The following LASP1 variants were observed in gnomAD, a reference collection of about 807,000 sequenced individuals.
LASP1 encodes LIM and SH3 domain protein 1.
LASP1 carries 10 observed loss-of-function variants against 38.6 expected under a neutral mutation model. The observed-to-expected ratio is 0.26, with a 90% CI of 0.16 to 0.44. The LOEUF (loss-of-function observed/expected upper bound fraction) is 0.44, where lower values mean the gene tolerates loss of function less well. Ranked by LOEUF, LASP1 falls within the 20% of genes least tolerant of loss-of-function variation. The pLI, the probability that LASP1 is intolerant of heterozygous loss-of-function variation, is 1.00. For synonymous variants in LASP1, 132 were observed against 140.8 expected (o/e 0.94, Z 0.44); for missense variants, 243 against 375.7 (o/e 0.65, Z 2.92).
chr17:38,882,083 C>A (rs989253203), intron 2 of LASP1, among the ~76,000 whole-genome samples: 1 of 152,184 alleles, frequency 6.6e-6, no homozygotes, highest in African/African-American at 2.4e-5. Flanking sequence ...GACACCCACG[C>A]CGGTGCTGGG....
chr17:38,913,618 G>A (rs1915019521), intron 4 of LASP1, among the ~76,000 whole-genome samples: 1 of 152,146 alleles, frequency 6.6e-6, no homozygotes, highest in South Asian at 2.1e-4. Context: ...CGGCCCTGGC[G>A]CAGTAAGAGC....
intron 4 of LASP1, among the ~76,000 whole-genome samples, chr17:38,906,023 G>A (rs1166162037): frequency 6.6e-5 from 10 of 152,112 alleles, no homozygotes; most frequent in African/African-American, 1.7e-4. Flanking sequence ...TCACGCCACC[G>A]CACTCCAGCC....
At position 38,920,535 on chromosome 17, in the gene LASP1, T is replaced by C; in HGVS notation, c.*1757T>C. On this transcript the variant is annotated 3_prime_UTR_variant, in exon 7 of 7. Coordinates refer to ENST00000318008, the MANE Select transcript of LASP1 (RefSeq NM_006148.4). ...TCCTGAGCCCAACCAGGCCCTGCCATTGGCCTCTTGTCCCTTGGCACACTT... is the reference window on the plus strand; with the variant it reads ...TCCTGAGCCCAACCAGGCCCTGCCACTGGCCTCTTGTCCCTTGGCACACTT... 3.9e-6 allele frequency: 1 copy of C among 256,728 alleles called. No individual in the cohort carries two copies. The highest frequency in any genetic ancestry group is 7.7e-6 in the Non-Finnish European group (1 of 130,334). 15.9% of individuals were successfully genotyped at this position (256,728 alleles called of 1,614,324 possible).
intron 4 of LASP1, chr17:38,898,788 CTGT>C (rs201616839): frequency 0.013 from 7,135 of 537,610 alleles, 84 homozygotes; most frequent in Admixed American, 0.043. Flanking sequence ...CTCTCTCTGA[CTGT>C]TGTTCTTTTT....
At chr17:38,875,849 A>G (rs1258475029) in intron 1 of LASP1, among the ~76,000 whole-genome samples, 1 of 152,124 alleles carries the variant, frequency 6.6e-6, no homozygotes, top group Non-Finnish European at 1.5e-5. Context: ...ATTCCTTGAC[A>G]AATGGCCAAG....
At chr17:38,909,995 A>G (rs969123864) in intron 4 of LASP1, among the ~76,000 whole-genome samples, 14 of 151,886 alleles carry the variant, frequency 9.2e-5, no homozygotes, top group Non-Finnish European at 1.6e-4. Flanking sequence ...CAATCTGCCA[A>G]CCTCGACCTC....
At chr17:38,896,424 T>C (rs1204676580) in intron 3 of LASP1, among the ~76,000 whole-genome samples, 1 of 151,994 alleles carries the variant, frequency 6.6e-6, no homozygotes, top group Non-Finnish European at 1.5e-5. Context: ...ACCCCTACCC[T>C]CTGTGGGCCT....
chr17:38,908,986 C>T (rs1488837885), intron 4 of LASP1, among the ~76,000 whole-genome samples: 1 of 152,218 alleles, frequency 6.6e-6, no homozygotes, highest in Non-Finnish European at 1.5e-5. Flanking sequence ...GCCTCTCCTC[C>T]TCTTCCCACC....
chr17:38,890,336 C>G, intron 2 of LASP1, 84 bp from the exon 3 acceptor site: 1 of 1,320,996 alleles, frequency 7.6e-7, no homozygotes, highest in Non-Finnish European at 1.1e-6. Flanking sequence ...GACGAAGTTC[C>G]CAGGAGGGCA....
At chr17:38,911,924 G>C (rs1914962255) in intron 4 of LASP1, among the ~76,000 whole-genome samples, 1 of 152,170 alleles carries the variant, frequency 6.6e-6, no homozygotes, top group South Asian at 2.1e-4. Flanking sequence ...CTCCCGCGTA[G>C]CTGGGATTAT....
chr17:38,908,317 C>G lies in LASP1; in HGVS notation c.358-6008C>G, dbSNP rs141695958. Among the ~76,000 whole-genome samples the G allele has an allele frequency of 3.3e-3, 503 of 152,376 alleles. 11 individuals carry two copies. In the South Asian group the frequency reaches 0.041, roughly 12 times the overall value. On this transcript the variant is annotated intron_variant, in intron 4 of 6. Transcript: ENST00000318008. ...CAAGGGAAGCTGACCTTTCCCACCT[C>G]AGAACAAAAGTTGGAAGGGCAGGTG...
At chr17:38,885,474 C>T (rs1396811504) in intron 2 of LASP1, among the ~76,000 whole-genome samples, 1 of 152,210 alleles carries the variant, frequency 6.6e-6, no homozygotes, top group Non-Finnish European at 1.5e-5. Context: ...GTCCTACATG[C>T]CTCTCCCTGC....
rs576924456 is a variant in LASP1 at position 38,914,723 on chromosome 17, C to T, written c.508+248C>T. 3.9e-4 allele frequency among the ~76,000 whole-genome samples: 59 copies of T among 151,980 alleles called. 1 individual carries two copies. Among genetic ancestry groups the T allele is most frequent in the African/African-American group, 1.3e-3 (53 of 41,398 alleles). On this transcript the variant is annotated intron_variant, in intron 5 of 6. Transcript: ENST00000318008. ...ACACACACACACACACATGCACGCA[C>T]GCATGCAGGCGAGGAAAAGACTGCT...
intron 5 of LASP1, 111 bp from the exon 6 acceptor site, chr17:38,914,932 G>A (rs1480763597): frequency 4.3e-6 from 4 of 937,290 alleles, no homozygotes; most frequent in African/African-American, 1.6e-5. Flanking sequence ...TGTGGGGCTT[G>A]AGCCAGGTTG....
chr17:38,914,461 C>T lies in LASP1; in HGVS notation c.494C>T (p.Pro165Leu), dbSNP rs771967177. Residue 165 changes from proline to leucine, a missense_variant, in exon 5 of 7, where the codon CCG (proline) becomes CTG (leucine). This residue lies in a region of LASP1 where 165 missense variants were observed against 210.3 expected (regional missense o/e 0.78). Coordinates refer to ENST00000318008, the MANE Select transcript of LASP1 (RefSeq NM_006148.4). ...GAGCAGCAGCAGCCTCACCACATCCCGACCAGTGCCCCGGGTGAGTGCAGG... is the reference window on the plus strand; with the variant it reads ...GAGCAGCAGCAGCCTCACCACATCCTGACCAGTGCCCCGGGTGAGTGCAGG... Reference protein sequence around the residue: ...PLEQQQPHHIPTSAPVYQQPQ... With the variant: ...PLEQQQPHHILTSAPVYQQPQ... 12 of 1,606,562 alleles carry T rather than the reference C, an allele frequency of 7.5e-6. No homozygotes were observed. In the East Asian group the frequency reaches 1.3e-4, roughly 18 times the overall value.
At chr17:38,896,401 G>T (rs1185810100) in intron 3 of LASP1, among the ~76,000 whole-genome samples, 1 of 152,114 alleles carries the variant, frequency 6.6e-6, no homozygotes, top group African/African-American at 2.4e-5. Context: ...TCCCTTCTCA[G>T]CCCCTACCCC....
Position 38,919,717 on chromosome 17 carries a change from G to T in LASP1, c.*939G>T. ...TGGCCGCTCCTCCCTGCTCCTCATG[G>T]GAAGATGTCTCAGAGCCTTCCATGA... is the stretch of plus-strand genomic sequence containing the variant. On this transcript the variant is annotated 3_prime_UTR_variant, in exon 7 of 7. Transcript: ENST00000318008. 2.6e-6 allele frequency: 1 copy of T among 385,246 alleles called. No individual in the cohort carries two copies. Among genetic ancestry groups the T allele is most frequent in the Non-Finnish European group, 5.0e-6 (1 of 201,064 alleles). The allele number at this position is 385,246 out of a possible 1,614,324, so 23.9% of individuals were successfully genotyped here.
intron 1 of LASP1, among the ~76,000 whole-genome samples, chr17:38,871,247 G>T (rs1913600838): frequency 6.6e-6 from 1 of 152,158 alleles, no homozygotes; most frequent in Non-Finnish European, 1.5e-5. Context: ...GACTTTTGGA[G>T]GGGGGTTGGA....
chr17:38,910,913 G>A lies in LASP1; in HGVS notation c.358-3412G>A, dbSNP rs149611604. ...AATTTTTGTATTTTCAGTAGAGACGGCATTTCACCATGTTGGCCAGGCTGG... is the reference window on the plus strand; with the variant it reads ...AATTTTTGTATTTTCAGTAGAGACGACATTTCACCATGTTGGCCAGGCTGG... On this transcript the variant is annotated intron_variant, in intron 4 of 6. Transcript: ENST00000318008. 3.8e-3 allele frequency among the ~76,000 whole-genome samples: 582 copies of A among 151,914 alleles called. 3 individuals carry two copies. The highest frequency in any genetic ancestry group is 0.014 in the African/African-American group (564 of 41,478).
Sources: gnomAD v4.1 joint callset for allele counts (sites outside exome capture counted in the v4.1 genomes callset) on GRCh38, gnomAD v4.1.1 for gene constraint, gnomAD v4.1.1 regional missense constraint, MANE v1.5 for transcripts, NCBI Gene and HGNC (gene_info 2026-07-23, HGNC 2026-07-21) for gene names.